TRAF3IP1: variants seen among roughly 807,000 people sequenced by gnomAD.
The protein encoded by TRAF3IP1 is TRAF3-interacting protein 1.
In TRAF3IP1, 53 loss-of-function variants were observed where a neutral mutation model predicts 89.9. The ratio of observed to expected loss-of-function variants is 0.59; its 90% CI spans 0.47 to 0.74. The LOEUF (loss-of-function observed/expected upper bound fraction) is 0.74, where lower values mean the gene tolerates loss of function less well. TRAF3IP1 is among the 30% of genes least tolerant of loss of function. TRAF3IP1 has a pLI of 0.00. For synonymous variants in TRAF3IP1, 311 were observed against 322.1 expected, an observed-to-expected ratio of 0.97 and a Z score of 0.37; for missense variants, 806 against 866.1, an observed-to-expected ratio of 0.93 and a Z score of 0.87.
At chr2:238,321,885 A>T (rs901140396) in intron 1 of TRAF3IP1, among the ~76,000 whole-genome samples, 16 of 152,294 alleles carry the variant, frequency 1.1e-4, no homozygotes, top group African/African-American at 3.6e-4. Context: ...TGGGTGCCTT[A>T]TTCTTGCACA....
intron 16 of TRAF3IP1, among the ~76,000 whole-genome samples, chr2:238,398,298 TGGG>T (rs1701330881): frequency 2.7e-5 from 1 of 36,906 alleles, no homozygotes; most frequent in Non-Finnish European, 5.0e-5. Context: ...GGGGGAGTAA[TGGG>T]GGAGGAGGCC....
chr2:238,389,168 A>G (rs548981642), intron 15 of TRAF3IP1, among the ~76,000 whole-genome samples: 3 of 152,116 alleles, frequency 2.0e-5, no homozygotes, highest in South Asian at 2.1e-4. Flanking sequence ...CTCCATTCCC[A>G]TGTGCCCTGG....
rs748706991 is a variant in TRAF3IP1 at position 238,338,346 on chromosome 2, A to G, written c.1064-16A>G. 2 of 1,429,900 alleles carry G rather than the reference A, an allele frequency of 1.4e-6. No individual in the cohort carries two copies. Among genetic ancestry groups the G allele is most frequent in the South Asian group, 2.5e-5 (2 of 80,658 alleles). The allele number at this position is 1,429,900 out of a possible 1,614,324, so 88.6% of individuals were successfully genotyped here. ...TTTTATAATATTTTAATCTGTTGTT[A>G]ACTATTTTATGTCAGGAAGGAAGGA... On this transcript the variant is annotated splice_polypyrimidine_tract_variant and intron_variant, in intron 7 of 16. Coordinates refer to ENST00000373327, the MANE Select transcript of TRAF3IP1 (RefSeq NM_015650.4).
At chr2:238,331,408 C>T (rs995100880) in intron 5 of TRAF3IP1, among the ~76,000 whole-genome samples, 4 of 152,026 alleles carry the variant, frequency 2.6e-5, no homozygotes, top group Non-Finnish European at 4.4e-5. Flanking sequence ...ACTCGGGAGG[C>T]GGAGGTTGCA....
At chr2:238,395,365 C>G (rs930626503) in intron 15 of TRAF3IP1, among the ~76,000 whole-genome samples, 1 of 152,126 alleles carries the variant, frequency 6.6e-6, no homozygotes, top group Non-Finnish European at 1.5e-5. Context: ...TTCCTTACAC[C>G]TTATACAAAA....
At chr2:238,358,932 G>C (rs1184395805) in intron 15 of TRAF3IP1, among the ~76,000 whole-genome samples, 1 of 152,182 alleles carries the variant, frequency 6.6e-6, no homozygotes, top group African/African-American at 2.4e-5. Context: ...GCCACTTTCT[G>C]TAAAGGGCCA....
In TRAF3IP1 at chr2:238,328,832, G is replaced by A. The variant is rs1431231466; in HGVS notation, c.498+3G>A. 1.2e-6 allele frequency: 2 copies of A among 1,608,260 alleles called. No individual in the cohort carries two copies. Among genetic ancestry groups the A allele is most frequent in the Admixed American group, 3.4e-5 (2 of 58,918 alleles). Reference sequence around the variant, plus strand: ...CCAGAGTTCACAAAAATACAGAGGTGAATTCCAAGTCGCACATCTTTGAAA... The same window carrying A: ...CCAGAGTTCACAAAAATACAGAGGTAAATTCCAAGTCGCACATCTTTGAAA... On this transcript the variant is annotated splice_donor_region_variant and intron_variant, in intron 4 of 16. Transcript: ENST00000373327.
intron 7 of TRAF3IP1, among the ~76,000 whole-genome samples, chr2:238,336,110 C>T (rs890782244): frequency 2.6e-5 from 4 of 152,054 alleles, no homozygotes; most frequent in Non-Finnish European, 5.9e-5. Context: ...CCTCTTAATC[C>T]AGTAGTTCTT....
Position 238,356,033 on chromosome 2 carries a change from A to C in TRAF3IP1, c.1642A>C (p.Lys548Gln), listed in dbSNP as rs1319766848. The change falls in exon 15 of 17, where the codon AAG (lysine) becomes CAG (glutamine). Residue 548 changes from lysine (K) to glutamine (Q), a missense_variant. Transcript: ENST00000373327. ...ACTTGTGAAAAAAATTTTGGAGACG[A>C]AGAAAGATTATGAGAAATTGCAGCA... is the stretch of plus-strand genomic sequence containing the variant. ...GGLVKKILET[K>Q]KDYEKLQQSP... 6.2e-7 allele frequency: 1 copy of C among 1,613,888 alleles called. No individual in the cohort carries two copies.
rs1697771068 is a variant in TRAF3IP1, at chr2:238,325,364, A to G, written c.182A>G (p.Asp61Gly). Residue 61 changes from aspartate to glycine, a missense_variant, in exon 2 of 17, where the codon GAT (aspartate) becomes GGT (glycine). Coordinates refer to ENST00000373327, the MANE Select transcript of TRAF3IP1 (RefSeq NM_015650.4). ...TACACAGACGCCGAGATGAAGTCTG[A>G]TAATGTGAAGGTGGGTTTGAGTCGG... ...GLYTDAEMKS[D>G]NVKDKDAKIS... 6.2e-7 allele frequency: 1 copy of G among 1,614,042 alleles called. No individual in the cohort carries two copies. Among genetic ancestry groups the G allele is most frequent in the African/African-American group, 1.3e-5 (1 of 74,910 alleles).
At chr2:238,322,827 G>C (rs1697624801) in intron 1 of TRAF3IP1, among the ~76,000 whole-genome samples, 1 of 151,170 alleles carries the variant, frequency 6.6e-6, no homozygotes. Flanking sequence ...TGCCAAAGTT[G>C]ATTTCTCTCC....
chr2:238,360,238 A>G (rs980214128), intron 15 of TRAF3IP1, among the ~76,000 whole-genome samples: 2 of 152,258 alleles, frequency 1.3e-5, no homozygotes, highest in Non-Finnish European at 2.9e-5. Context: ...CTGAAACTGC[A>G]GAAAGTGAAA....
chr2:238,377,790 A>G (rs1700380705), intron 15 of TRAF3IP1, among the ~76,000 whole-genome samples: 1 of 152,200 alleles, frequency 6.6e-6, no homozygotes, highest in South Asian at 2.1e-4. Flanking sequence ...ACAATTTGAC[A>G]GCTTCACATG....
At chr2:238,395,662 CA>C (rs1701179308) in intron 15 of TRAF3IP1, among the ~76,000 whole-genome samples, 1 of 151,968 alleles carries the variant, frequency 6.6e-6, no homozygotes, top group South Asian at 2.1e-4. Flanking sequence ...CCAGAATCTA[CA>C]ATGAACTCAA....
rs114389676 is a variant in TRAF3IP1 at position 238,399,317 on chromosome 2, G to A, written c.*398G>A. On this transcript the variant is annotated 3_prime_UTR_variant, in exon 17 of 17. Coordinates refer to ENST00000373327, the MANE Select transcript of TRAF3IP1 (RefSeq NM_015650.4). ...GGAAAGACTTTCAGAGGTCAGTGCC[G>A]AATGAAGGATGACTGTGTACTTTTT... The A allele has an allele frequency of 2.1e-3, 328 of 157,248 alleles. No individual in the cohort carries two copies. Among genetic ancestry groups the A allele is most frequent in the African/African-American group, 7.0e-3 (292 of 41,636 alleles). 9.7% of individuals were successfully genotyped at this position (157,248 alleles called of 1,614,324 possible).
intron 15 of TRAF3IP1, among the ~76,000 whole-genome samples, chr2:238,389,460 A>G (rs1218060213): frequency 6.6e-6 from 1 of 151,826 alleles, no homozygotes; most frequent in Non-Finnish European, 1.5e-5. Flanking sequence ...TAAAAATAAT[A>G]CTTTTGGCCG....
At chr2:238,378,837 C>G (rs1431339464) in intron 15 of TRAF3IP1, among the ~76,000 whole-genome samples, 1 of 152,154 alleles carries the variant, frequency 6.6e-6, no homozygotes, top group African/African-American at 2.4e-5. Context: ...AAGCCTCTTA[C>G]CATCACTTGC....
chr2:238,325,318 A>C lies in TRAF3IP1; in HGVS notation c.136A>C (p.Thr46Pro). 6.2e-7 allele frequency: 1 copy of C among 1,614,052 alleles called. No homozygotes were observed. The highest frequency in any genetic ancestry group is 8.5e-7 in the Non-Finnish European group (1 of 1,180,004). Residue 46 changes from threonine (T) to proline (P), a missense_variant, in exon 2 of 17, where the codon ACT becomes CCT. Physicochemically the swap from Thr to Pro is conservative, Grantham distance 38. Coordinates refer to ENST00000373327, the MANE Select transcript of TRAF3IP1 (RefSeq NM_015650.4). ...HDIITEVIRMTGFMKGLYTDA... is the reference protein window; with the variant it reads ...HDIITEVIRMPGFMKGLYTDA... ...TTCTCTCTTGAAGGTGATTAGAATG[A>C]CTGGTTTCATGAAGGGCCTCTACAC...
chr2:238,363,912 A>C (rs577113712), intron 15 of TRAF3IP1, among the ~76,000 whole-genome samples: 9 of 152,188 alleles, frequency 5.9e-5, no homozygotes, highest in Non-Finnish European at 1.3e-4. Context: ...GCGAGCCGAG[A>C]CTGCACCACT....
Sources: gnomAD v4.1 joint callset for allele counts (sites outside exome capture counted in the v4.1 genomes callset) on GRCh38, gnomAD v4.1.1 for gene constraint, MANE v1.5 for transcripts, NCBI Gene and HGNC (gene_info 2026-07-23, HGNC 2026-07-21) for gene names.